TMEM130: variants seen among roughly 807,000 people sequenced by gnomAD.
The protein encoded by TMEM130 is transmembrane protein 130.
A neutral mutation model predicts 42.9 loss-of-function variants in TMEM130; 37 were observed. That is an observed-to-expected ratio of 0.86 (90% CI 0.66 to 1.13). The LOEUF (loss-of-function observed/expected upper bound fraction) is 1.13, where lower values mean the gene tolerates loss of function less well. TMEM130 is among the 50% of genes most tolerant of loss of function. The pLI is 0.00. For missense variants in TMEM130, 545 were observed against 562.6 expected (o/e 0.97, Z 0.32); for synonymous variants, 259 against 237.7 (o/e 1.09, Z -0.82).
chr7:98,851,329 C>A, intron 6 of TMEM130, 92 bp downstream of exon 6: 1 of 1,339,306 alleles, frequency 7.5e-7, no homozygotes, highest in South Asian at 1.3e-5. Flanking sequence ...CTTGGTAAGG[C>A]TGGCTGGTAG....
At chr7:98,851,359 G>A in intron 6 of TMEM130, 62 bp downstream of exon 6, 3 of 1,539,000 alleles carry the variant, frequency 1.9e-6, no homozygotes, top group South Asian at 1.1e-5. Context: ...GGTGGTGGTG[G>A]CAGGATGGAC....
chr7:98,852,978 C>T (rs993765074), intron 5 of TMEM130, among the ~76,000 whole-genome samples: 3 of 152,128 alleles, frequency 2.0e-5, no homozygotes, highest in South Asian at 2.1e-4. Context: ...GATAAATGAA[C>T]GTTTGATGGG....
chr7:98,863,454 C>G, intron 1 of TMEM130, 54 bp from the exon 2 acceptor site: 1 of 1,463,872 alleles, frequency 6.8e-7, no homozygotes, highest in South Asian at 1.3e-5. Context: ...GCAAGGAGCC[C>G]CACAGCCACC....
rs1491493786 is a variant in TMEM130, at chr7:98,850,274, T to TATATATATATA, written c.1006+1146_1006+1147insTATATATATAT. Among the ~76,000 whole-genome samples, 31 of 31,220 alleles carry TATATATATATA rather than the reference T, an allele frequency of 9.9e-4. 1 individual carries two copies. Among genetic ancestry groups the TATATATATATA allele is most frequent in the African/African-American group, 1.3e-3 (14 of 10,690 alleles). 20.5% of individuals were successfully genotyped at this position (31,220 alleles called of 152,430 possible). A position where few individuals can be genotyped will look rare whatever the true frequency, so the allele number is the denominator to read the frequency against. On this transcript the variant is annotated intron_variant, in intron 6 of 7. Coordinates refer to ENST00000339375, the MANE Select transcript of TMEM130 (RefSeq NM_152913.3). ...TCATATATATATATATATATATATA[T>TATATATATATA]TTTTTTTTTTTTTTAATTTTTTGAG...
At chr7:98,868,837 T>A (rs116927466) in intron 1 of TMEM130, among the ~76,000 whole-genome samples, 2,585 of 152,340 alleles carry the variant, frequency 0.017, 45 homozygotes, top group Admixed American at 0.026. Flanking sequence ...AAGAGACCCC[T>A]TTCCTGTATT....
At position 98,855,342 on chromosome 7, in the gene TMEM130, C is replaced by A. The variant is rs781979030; in HGVS notation, c.719-18G>T. 9.4e-6 allele frequency: 15 copies of A among 1,602,154 alleles called. No homozygotes were observed. The East Asian group carries it at 2.7e-4, about 29-fold the overall frequency. On this transcript the variant is annotated intron_variant, in intron 4 of 7. Coordinates refer to ENST00000339375, the MANE Select transcript of TMEM130 (RefSeq NM_152913.3). ...AAGGGTTTCTGTAAGGCAGAGAGAACCCCGTTAGACCTGGTGGCTAAGGAT... is the reference window on the plus strand; with the variant it reads ...AAGGGTTTCTGTAAGGCAGAGAGAAACCCGTTAGACCTGGTGGCTAAGGAT...
chr7:98,870,006 G>GACGAGC lies in TMEM130; in HGVS notation c.-146_-145insGCTCGT. 2.4e-6 allele frequency: 1 copy of GACGAGC among 425,204 alleles called. No homozygotes were observed. The highest frequency in any genetic ancestry group is 3.8e-6 in the Non-Finnish European group (1 of 265,386). The allele number at this position is 425,204 out of a possible 1,614,324, so 26.3% of individuals were successfully genotyped here. A position where few individuals can be genotyped will look rare whatever the true frequency, so the allele number is the denominator to read the frequency against. On this transcript the variant is annotated 5_prime_UTR_variant, in exon 1 of 8. Coordinates refer to ENST00000339375, the MANE Select transcript of TMEM130 (RefSeq NM_152913.3). Reference sequence around the variant, plus strand: ...GCCGTGCTCGCTCGTCCTCGCCGGGGGACGCTCTGTCGCTGCGCGCCGCCG... The same window carrying GACGAGC: ...GCCGTGCTCGCTCGTCCTCGCCGGGGACGAGCGACGCTCTGTCGCTGCGCGCCGCCG...
At chr7:98,853,554 G>A (rs1554398547) in intron 5 of TMEM130, among the ~76,000 whole-genome samples, 1 of 152,184 alleles carries the variant, frequency 6.6e-6, no homozygotes, top group Non-Finnish European at 1.5e-5. Flanking sequence ...CTTGAACCCG[G>A]GAGGCGGAGG....
At position 98,869,353 on chromosome 7, in the gene TMEM130, CA is replaced by C; in HGVS notation, c.85+423del. On this transcript the variant is annotated intron_variant, in intron 1 of 7. Coordinates refer to ENST00000339375, the MANE Select transcript of TMEM130 (RefSeq NM_152913.3). The surrounding 1 kb of genome is among the most constrained non-coding windows in gnomAD (Gnocchi z 4.7). ...CTCTAGATGAGGCGACATTTTAAGG[CA>C]AAAACGTTGCCCATCCCGTGCTCCC... 8.2e-7 allele frequency: 1 copy of C among 1,213,776 alleles called. No individual in the cohort carries two copies. Among genetic ancestry groups the C allele is most frequent in the Non-Finnish European group, 1.0e-6 (1 of 956,250 alleles). 75.2% of individuals were successfully genotyped at this position (1,213,776 alleles called of 1,614,324 possible).
At chr7:98,854,304 G>A (rs1794578656) in intron 5 of TMEM130, among the ~76,000 whole-genome samples, 1 of 152,134 alleles carries the variant, frequency 6.6e-6, no homozygotes, top group South Asian at 2.1e-4. Flanking sequence ...GAACCACATG[G>A]GCAAAGATCT....
intron 5 of TMEM130, among the ~76,000 whole-genome samples, chr7:98,854,888 T>G (rs904045184): frequency 6.6e-6 from 1 of 152,052 alleles, no homozygotes; most frequent in East Asian, 1.9e-4. Context: ...ATACAAAAAT[T>G]AGCCGGGCAT....
intron 1 of TMEM130, among the ~76,000 whole-genome samples, chr7:98,867,811 T>C (rs989426720): frequency 6.6e-6 from 1 of 152,198 alleles, no homozygotes; most frequent in African/African-American, 2.4e-5. Flanking sequence ...CCCTGGGTGA[T>C]GCTGCCCCTG....
chr7:98,853,144 A>G (rs1794549850), intron 5 of TMEM130, among the ~76,000 whole-genome samples: 2 of 152,164 alleles, frequency 1.3e-5, no homozygotes, highest in South Asian at 4.1e-4. Flanking sequence ...GCCACCTCAA[A>G]TATCAGGGCT....
chr7:98,852,574 T>C (rs541341927), intron 5 of TMEM130, among the ~76,000 whole-genome samples: 1 of 149,814 alleles, frequency 6.7e-6, no homozygotes, highest in Non-Finnish European at 1.5e-5. Context: ...AGAGTTGTTT[T>C]TTGTTTGTTT....
Position 98,847,887 on chromosome 7 carries a change from C to CA in TMEM130, c.*168dup, listed in dbSNP as rs782608175. ...GGTGAATGGCTGGGGTCAGGGGTGACAGAGAGGGAGGGGCTTGTGGCAGTG... is the reference window on the plus strand; with the variant it reads ...GGTGAATGGCTGGGGTCAGGGGTGACAAGAGAGGGAGGGGCTTGTGGCAGTG... On this transcript the variant is annotated 3_prime_UTR_variant, in exon 8 of 8. Coordinates refer to ENST00000339375, the MANE Select transcript of TMEM130 (RefSeq NM_152913.3). The CA allele has an allele frequency of 7.9e-5, 50 of 630,922 alleles. 1 individual carries two copies. The highest frequency in any genetic ancestry group is 7.9e-4 in the East Asian group (28 of 35,662). 39.1% of individuals were successfully genotyped at this position (630,922 alleles called of 1,614,324 possible).
chr7:98,856,128 T>C lies in TMEM130; in HGVS notation c.607A>G (p.Thr203Ala), dbSNP rs1554398972. ...ACCACTTTGAGCTTCACGGTGAAGG[T>C]CCCGATGATGGAATAGTTATAATAG... The part of the protein sequence containing the change: ...VVYYNYSIIG[T>A]FTVKLKVVAE... The change falls in exon 4 of 8, where the codon ACC becomes GCC. Residue 203 changes from threonine (T) to alanine (A), a missense_variant. Thr to Ala is a moderately conservative substitution (Grantham distance 58). Coordinates refer to ENST00000339375, the MANE Select transcript of TMEM130 (RefSeq NM_152913.3). The C allele has an allele frequency of 1.2e-6, 2 of 1,613,952 alleles. 1 individual carries two copies. Among genetic ancestry groups the C allele is most frequent in the South Asian group, 2.2e-5 (2 of 91,064 alleles).
chr7:98,851,706 G>T, intron 5 of TMEM130, 83 bp from the exon 6 acceptor site: 2 of 1,305,046 alleles, frequency 1.5e-6, no homozygotes, highest in Non-Finnish European at 2.1e-6. Context: ...GGCCAGGTGG[G>T]CAGGAACTTC....
Position 98,869,153 on chromosome 7 carries a change from G to T in TMEM130, c.85+624C>A. On this transcript the variant is annotated intron_variant, in intron 1 of 7. Transcript: ENST00000339375. This position sits in a 1 kb window ranked among gnomAD's most constrained non-coding sequence, Gnocchi z 4.7. ...TGGCTTTCTGGCGGTGGGGAAGTGG[G>T]GGCAGTAGACACACAACCCTGCTTC... 7.9e-7 allele frequency: 1 copy of T among 1,267,270 alleles called. No individual in the cohort carries two copies. Among genetic ancestry groups the T allele is most frequent in the Non-Finnish European group, 1.0e-6 (1 of 979,040 alleles). 78.5% of individuals were successfully genotyped at this position (1,267,270 alleles called of 1,614,324 possible).
rs371621785 is a variant in TMEM130 at position 98,863,273 on chromosome 7, G to A, written c.213C>T (p.Arg71=). 3.7e-6 allele frequency: 6 copies of A among 1,613,350 alleles called. No individual in the cohort carries two copies. Among genetic ancestry groups the A allele is most frequent in the South Asian group, 2.2e-5 (2 of 91,046 alleles). ...LALPADAHLY[R]FHWIHTPLVL... ...CCAGCGGGGTGTGGATCCAGTGGAAGCGGTAGAGGTGGGCGTCAGCGGGCA... is the reference window on the plus strand; with the variant it reads ...CCAGCGGGGTGTGGATCCAGTGGAAACGGTAGAGGTGGGCGTCAGCGGGCA... Residue 71 remains arginine, a synonymous_variant, in exon 2 of 8, where the codon CGC becomes CGT. Transcript: ENST00000339375.
Sources: gnomAD v4.1 joint callset for allele counts (sites outside exome capture counted in the v4.1 genomes callset) on GRCh38, gnomAD v4.1.1 for gene constraint, Gnocchi (gnomAD v3.1) non-coding constraint, MANE v1.5 for transcripts, NCBI Gene and HGNC (gene_info 2026-07-23, HGNC 2026-07-21) for gene names.